Variants in PDZD2 observed in about 807,000 individuals in gnomAD.
PDZD2 encodes the protein PDZ domain containing 2.
PDZD2 carries 90 observed loss-of-function variants against 220.7 expected under a neutral mutation model. The observed-to-expected ratio is 0.41, with a 90% CI of 0.34 to 0.49. The LOEUF is 0.49. Ranked by LOEUF, PDZD2 falls within the 20% of genes least tolerant of loss-of-function variation. The pLI is 0.28. For missense variants in PDZD2, 3,174 were observed against 3,608.5 expected (o/e 0.88, Z 3.08); for synonymous variants, 1,375 against 1,450.5 (o/e 0.95, Z 1.18).
intron 2 of PDZD2, among the ~76,000 whole-genome samples, chr5:31,818,319 A>G (rs945711812): frequency 6.6e-6 from 1 of 152,146 alleles, no homozygotes; most frequent in Non-Finnish European, 1.5e-5. Context: ...CAAAATTTCG[A>G]AAGTAGTCAT....
chr5:31,788,382 A>G (rs1753500669), intron 1 of PDZD2, among the ~76,000 whole-genome samples: 1 of 141,570 alleles, frequency 7.1e-6, no homozygotes, highest in African/African-American at 2.7e-5. Flanking sequence ...AAAAATAAAA[A>G]AGGCCGGGCA....
intron 1 of PDZD2, among the ~76,000 whole-genome samples, chr5:31,735,571 G>A (rs188218165): frequency 7.9e-5 from 12 of 152,206 alleles, no homozygotes; most frequent in African/African-American, 2.9e-4. Flanking sequence ...GGCCAAGGTG[G>A]GGTGGATCAC....
At position 32,090,826 on chromosome 5, in the gene PDZD2, TCTC is replaced by T. The variant is rs1335797631; in HGVS notation, c.7381_7383del (p.Pro2461del). ...TCCCACCCCAACGATGACCCTGGCT[TCTC>T]CTGTTAAGAGGAACAAGTCCTCGGT... On this transcript the variant is annotated inframe_deletion, in exon 20 of 25. Coordinates refer to ENST00000438447, the MANE Select transcript of PDZD2 (RefSeq NM_178140.4). This position sits in a 1 kb window ranked among gnomAD's most constrained non-coding sequence, Gnocchi z 4.3. 2 of 1,613,956 alleles carry T rather than the reference TCTC, an allele frequency of 1.2e-6. No homozygotes were observed. Among genetic ancestry groups the T allele is most frequent in the South Asian group, 1.1e-5 (1 of 91,072 alleles).
At chr5:31,857,258 GTCC>G (rs1468173067) in intron 2 of PDZD2, among the ~76,000 whole-genome samples, 2 of 152,152 alleles carry the variant, frequency 1.3e-5, no homozygotes, top group Non-Finnish European at 2.9e-5. Context: ...TGAGAACTCT[GTCC>G]TCCTCCGCTT....
Position 32,090,019 on chromosome 5 carries a change from A to C in PDZD2, c.6571A>C (p.Met2191Leu). 1 of 1,608,262 alleles carries C rather than the reference A, an allele frequency of 6.2e-7. No homozygotes were observed. Among genetic ancestry groups the C allele is most frequent in the South Asian group, 1.1e-5 (1 of 90,014 alleles). The part of the protein sequence containing the change: ...AEYSQGKSSL[M>L]SDSRGVPRNS... ...ATACTCCCAGGGAAAATCAAGCCTG[A>C]TGTCAGACTCCCGAGGGGTGCCCAG... is the stretch of plus-strand genomic sequence containing the variant. The change falls in exon 20 of 25, where the codon ATG becomes CTG. Residue 2191 changes from methionine to leucine, a missense_variant. Transcript: ENST00000438447. The surrounding 1 kb of genome is among the most constrained non-coding windows in gnomAD (Gnocchi z 4.3).
chr5:31,863,465 C>T (rs1737910090), intron 2 of PDZD2, among the ~76,000 whole-genome samples: 1 of 152,166 alleles, frequency 6.6e-6, no homozygotes, highest in Non-Finnish European at 1.5e-5. Flanking sequence ...TCTTATTACA[C>T]TTTTGAATCT....
intron 2 of PDZD2, among the ~76,000 whole-genome samples, chr5:31,850,240 A>ATG (rs1757969061): frequency 8.2e-6 from 1 of 122,206 alleles, no homozygotes; most frequent in Admixed American, 9.4e-5. Flanking sequence ...ATATATATAT[A>ATG]TATACACACA....
chr5:31,849,905 C>T (rs11740919), intron 2 of PDZD2, among the ~76,000 whole-genome samples: 15 of 22,046 alleles, frequency 6.8e-4, no homozygotes, highest in African/African-American at 2.8e-3. Flanking sequence ...TATATATATA[C>T]ATATATATAT....
intron 6 of PDZD2, among the ~76,000 whole-genome samples, chr5:32,024,703 AAAAG>A (rs911314669): frequency 1.4e-4 from 19 of 140,284 alleles, no homozygotes; most frequent in Non-Finnish European, 2.8e-4. Flanking sequence ...AGAAAGAAAA[AAAAG>A]AAAAGGAAAG....
chr5:31,912,743 T>C (rs1453390533), intron 2 of PDZD2, among the ~76,000 whole-genome samples: 1 of 152,194 alleles, frequency 6.6e-6, no homozygotes. Flanking sequence ...CTCTCTAGCA[T>C]GATGGTACTT....
intron 2 of PDZD2, among the ~76,000 whole-genome samples, chr5:31,859,793 A>G (rs1737512629): frequency 6.6e-6 from 1 of 152,220 alleles, no homozygotes. Flanking sequence ...CTTACTAAGA[A>G]GGAGGCATAG....
rs1271573466 is a variant in PDZD2 at position 31,653,091 on chromosome 5, T to C, written c.-361+13654T>C. ...CTTTTGCTGGTGACTTGGAACTGGC[T>C]GGGATCTCCCGTGGCATATTTGCTG... On this transcript the variant is annotated intron_variant, in intron 1 of 24. Coordinates refer to ENST00000438447, the MANE Select transcript of PDZD2 (RefSeq NM_178140.4). Among the ~76,000 whole-genome samples the C allele has an allele frequency of 3.9e-5, 6 of 152,274 alleles. No individual in the cohort carries two copies. In the East Asian group the frequency reaches 1.2e-3, roughly 29 times the overall value.
intron 1 of PDZD2, among the ~76,000 whole-genome samples, chr5:31,683,302 T>C (rs970397471): frequency 6.6e-6 from 1 of 151,894 alleles, no homozygotes; most frequent in Non-Finnish European, 1.5e-5. Flanking sequence ...TTGTCCACAG[T>C]CTTAGTGGGG....
At chr5:31,667,651 C>T (rs1349164650) in intron 1 of PDZD2, among the ~76,000 whole-genome samples, 2 of 151,742 alleles carry the variant, frequency 1.3e-5, no homozygotes, top group African/African-American at 4.8e-5. Flanking sequence ...GCAGTGCCCA[C>T]GGTGATGGAA....
chr5:32,030,956 G>A lies in PDZD2; in HGVS notation c.1408-6275G>A, dbSNP rs147137249. Among the ~76,000 whole-genome samples the A allele has an allele frequency of 6.6e-5, 10 of 151,944 alleles. No homozygotes were observed. The East Asian group carries it at 1.9e-3, about 29-fold the overall frequency. On this transcript the variant is annotated intron_variant, in intron 6 of 24. Transcript: ENST00000438447. ...ACTGAGGATTTTTTTCATTCTTCTC[G>A]GTCTTCCCTGCAGTTTTGCCTTCAA...
In PDZD2 at chr5:32,090,392, C is replaced by G. The variant is rs929766430; in HGVS notation, c.6944C>G (p.Thr2315Ser). 1.2e-6 allele frequency: 2 copies of G among 1,614,070 alleles called. No individual in the cohort carries two copies. Among genetic ancestry groups the G allele is most frequent in the African/African-American group, 2.7e-5 (2 of 74,946 alleles). Residue 2315 changes from threonine to serine, a missense_variant, in exon 20 of 25, where the codon ACC becomes AGC. By Grantham distance (58) the Thr-to-Ser change is moderately conservative (BLOSUM62 1). This residue lies in a region of PDZD2 where 631 missense variants were observed against 789.9 expected (regional missense o/e 0.80). Coordinates refer to ENST00000438447, the MANE Select transcript of PDZD2 (RefSeq NM_178140.4). The surrounding 1 kb of genome is among the most constrained non-coding windows in gnomAD (Gnocchi z 4.3). ...SCLVTDKIKV[T>S]RRHYCYEQNW... Reference sequence around the variant, plus strand: ...CTAGTCACAGACAAAATCAAAGTCACCAGACGACACTACTGCTATGAGCAG... The same window carrying G: ...CTAGTCACAGACAAAATCAAAGTCAGCAGACGACACTACTGCTATGAGCAG...
chr5:31,763,405 A>G (rs1751773026), intron 1 of PDZD2, among the ~76,000 whole-genome samples: 1 of 152,160 alleles, frequency 6.6e-6, no homozygotes, highest in Non-Finnish European at 1.5e-5. Context: ...CTTGTTTAGA[A>G]CAGACCCACA....
rs1745081807 is a variant in PDZD2, at chr5:32,108,902, A to AAAT, written c.*769_*771dup. ...AATAGCACTTCTGATAAGCTGTATTAAATAGCCATGAGCTTCACTGCTTAG... is the reference window on the plus strand; with the variant it reads ...AATAGCACTTCTGATAAGCTGTATTAAATAATAGCCATGAGCTTCACTGCTTAG... On this transcript the variant is annotated 3_prime_UTR_variant, in exon 25 of 25. Transcript: ENST00000438447. 6.6e-6 allele frequency: 1 copy of AAAT among 152,668 alleles called. No individual in the cohort carries two copies. Among genetic ancestry groups the AAAT allele is most frequent in the African/African-American group, 2.4e-5 (1 of 41,466 alleles). The allele number at this position is 152,668 out of a possible 1,614,324, so 9.5% of individuals were successfully genotyped here. A position where few individuals can be genotyped will look rare whatever the true frequency, so the allele number is the denominator to read the frequency against.
chr5:31,902,799 G>A (rs567399244), intron 2 of PDZD2, among the ~76,000 whole-genome samples: 4 of 151,714 alleles, frequency 2.6e-5, no homozygotes, highest in Admixed American at 1.3e-4. Flanking sequence ...CCTAGGAGGC[G>A]GAGGTTGCAG....
Sources: gnomAD v4.1 joint callset for allele counts (sites outside exome capture counted in the v4.1 genomes callset) on GRCh38, gnomAD v4.1.1 for gene constraint, gnomAD v4.1.1 regional missense constraint, Gnocchi (gnomAD v3.1) non-coding constraint, MANE v1.5 for transcripts, NCBI Gene and HGNC (gene_info 2026-07-23, HGNC 2026-07-21) for gene names.